The following SPAG6 variants were observed in gnomAD, a reference collection of about 807,000 sequenced individuals.
SPAG6 encodes sperm associated antigen 6.
In SPAG6, 49 loss-of-function variants were observed where a neutral mutation model predicts 58.5. The ratio of observed to expected loss-of-function variants is 0.84; its 90% confidence interval spans 0.67 to 1.06. SPAG6 has a LOEUF of 1.06. SPAG6 is among the 50% of genes least tolerant of loss of function. The probability of loss-of-function intolerance (pLI) is 0.00; values close to 1 mark genes in which losing one functional copy is unlikely to be tolerated. For missense variants in SPAG6, 560 were observed against 611.3 expected (o/e 0.92, Z 0.89); for synonymous variants, 233 against 225.6 (o/e 1.03, Z -0.29).
At chr10:22,356,122 A>G (rs1353929481) in intron 2 of SPAG6, among the ~76,000 whole-genome samples, 1 of 152,248 alleles carries the variant, frequency 6.6e-6, no homozygotes, top group African/African-American at 2.4e-5. Flanking sequence ...CTGTATATTG[A>G]GAACAAATTA....
chr10:22,349,856 A>C (rs981833061), intron 2 of SPAG6, among the ~76,000 whole-genome samples: 9 of 152,194 alleles, frequency 5.9e-5, no homozygotes, highest in Non-Finnish European at 1.0e-4. Context: ...TGCTGTTGAC[A>C]TAAAGTGATT....
intron 6 of SPAG6, 54 bp from the exon 7 acceptor site, chr10:22,389,106 A>G (rs1834128558): frequency 1.3e-6 from 2 of 1,534,336 alleles, no homozygotes; most frequent in Non-Finnish European, 1.8e-6. Context: ...ATTAAACTGT[A>G]TTTAAAGACC....
intron 2 of SPAG6, among the ~76,000 whole-genome samples, chr10:22,363,421 A>G (rs1361224068): frequency 6.6e-6 from 1 of 152,188 alleles, no homozygotes; most frequent in Non-Finnish European, 1.5e-5. Context: ...AACATGAGCT[A>G]TGACCCAAGT....
At chr10:22,394,127 T>G (rs1002270586) in intron 8 of SPAG6, among the ~76,000 whole-genome samples, 6 of 152,234 alleles carry the variant, frequency 3.9e-5, no homozygotes, top group African/African-American at 1.4e-4. Flanking sequence ...GTTCTTTGTA[T>G]ATTCTGGGTA....
rs139888280 is a variant in SPAG6 at position 22,389,220 on chromosome 10, T to A, written c.913T>A (p.Cys305Ser). ...VAAVIDCIGS[C>S]KGNTRLPGIM... ...TGCCGTGATTGACTGCATTGGGTCC[T>A]GCAAAGGGAACACACGGCTGCCTGG... Residue 305 changes from cysteine to serine, a missense_variant, in exon 7 of 11, where the codon TGC becomes AGC. Cys to Ser is a moderately radical substitution (Grantham distance 112, BLOSUM62 -1). Transcript: ENST00000376624. 1,126 of 1,613,472 alleles carry A rather than the reference T, an allele frequency of 7.0e-4. No individual in the cohort carries two copies. The highest frequency in any genetic ancestry group is 8.9e-4 in the Non-Finnish European group (1,045 of 1,179,744).
At chr10:22,355,783 T>A (rs1836848683) in intron 2 of SPAG6, among the ~76,000 whole-genome samples, 1 of 152,028 alleles carries the variant, frequency 6.6e-6, no homozygotes, top group Non-Finnish European at 1.5e-5. Flanking sequence ...AGGTATATAA[T>A]CAATAAAGGC....
chr10:22,354,004 A>C (rs1302962407), intron 2 of SPAG6, among the ~76,000 whole-genome samples: 1 of 152,198 alleles, frequency 6.6e-6, no homozygotes, highest in Non-Finnish European at 1.5e-5. Flanking sequence ...GGGCAAGGAG[A>C]GGAGAGTCAG....
chr10:22,412,381 T>G, intron 10 of SPAG6: 1 of 872,450 alleles, frequency 1.1e-6, no homozygotes, highest in South Asian at 1.5e-5. Flanking sequence ...GTAACATTAA[T>G]TTTAAAAGCA....
At chr10:22,384,368 C>T (rs890357122) in intron 4 of SPAG6, among the ~76,000 whole-genome samples, 1 of 152,118 alleles carries the variant, frequency 6.6e-6, no homozygotes, top group African/African-American at 2.4e-5. Context: ...CGGGTAGACA[C>T]CAACAGTGGC....
intron 4 of SPAG6, among the ~76,000 whole-genome samples, chr10:22,375,910 C>T (rs1199205973): frequency 6.6e-6 from 1 of 152,048 alleles, no homozygotes; most frequent in African/African-American, 2.4e-5. Flanking sequence ...GGACCTCTAG[C>T]GTTTTTGGTG....
At chr10:22,384,762 A>C (rs1834030379) in intron 4 of SPAG6, among the ~76,000 whole-genome samples, 1 of 152,196 alleles carries the variant, frequency 6.6e-6, no homozygotes, top group Non-Finnish European at 1.5e-5. Flanking sequence ...GAGAATAGAA[A>C]ACTTGGGCAA....
intron 10 of SPAG6, chr10:22,413,066 C>CCAAAAA (rs1834779082): frequency 4.6e-5 from 2 of 43,316 alleles, no homozygotes; most frequent in African/African-American, 1.7e-4. Flanking sequence ...CAGAAAGATG[C>CCAAAAA]AAAAAAAAAA....
intron 2 of SPAG6, chr10:22,360,713 G>A (rs1837010373): frequency 4.7e-6 from 4 of 849,166 alleles, no homozygotes; most frequent in Non-Finnish European, 7.2e-6. Context: ...TATATGTTGG[G>A]TCCTTCAAGT....
chr10:22,373,734 CT>C (rs1479306086), intron 4 of SPAG6, among the ~76,000 whole-genome samples: 3 of 152,040 alleles, frequency 2.0e-5, no homozygotes, highest in Non-Finnish European at 2.9e-5. Context: ...CTTTTCATAC[CT>C]TTTTTTCTAT....
chr10:22,384,925 T>C (rs1165169793), intron 4 of SPAG6, among the ~76,000 whole-genome samples: 1 of 152,184 alleles, frequency 6.6e-6, no homozygotes, highest in East Asian at 1.9e-4. Flanking sequence ...ATCTTGAGTT[T>C]TTGTTAATAG....
chr10:22,356,116 A>G (rs779960727), intron 2 of SPAG6, among the ~76,000 whole-genome samples: 3 of 152,256 alleles, frequency 2.0e-5, no homozygotes, highest in African/African-American at 4.8e-5. Context: ...GGCTAGCTGT[A>G]TATTGAGAAC....
intron 3 of SPAG6, among the ~76,000 whole-genome samples, chr10:22,365,347 C>A (rs925479613): frequency 6.6e-6 from 1 of 152,132 alleles, no homozygotes; most frequent in African/African-American, 2.4e-5. Context: ...AATAGTTGAT[C>A]TCAGCAGTCC....
chr10:22,371,715 T>C (rs1833700941), intron 4 of SPAG6, among the ~76,000 whole-genome samples: 1 of 152,170 alleles, frequency 6.6e-6, no homozygotes, highest in Non-Finnish European at 1.5e-5. Context: ...AATATATACT[T>C]TTAAGGGCAA....
chr10:22,391,936 T>G lies in SPAG6; in HGVS notation c.1197+16T>G. The G allele has an allele frequency of 6.4e-7, 1 of 1,571,734 alleles. No homozygotes were observed. Among genetic ancestry groups the G allele is most frequent in the African/African-American group, 1.4e-5 (1 of 73,762 alleles). Reference sequence around the variant, plus strand: ...CCAAGTAAAAGTAAGTGCTTAATTCTGTTTTATGAAGATTTTGGCTCATTT... The same window carrying G: ...CCAAGTAAAAGTAAGTGCTTAATTCGGTTTTATGAAGATTTTGGCTCATTT... On this transcript the variant is annotated intron_variant, in intron 8 of 10. Transcript: ENST00000376624.
Sources: allele counts gnomAD v4.1 joint callset (sites outside exome capture counted in the v4.1 genomes callset), GRCh38; gene constraint gnomAD v4.1.1; transcripts MANE v1.5; gene names NCBI Gene and HGNC (gene_info 2026-07-23, HGNC 2026-07-21).